Variants in BMERB1 observed in about 807,000 individuals in gnomAD.
The protein encoded by BMERB1 is bMERB domain-containing protein 1.
In BMERB1, 12 loss-of-function variants were observed where a neutral mutation model predicts 23.6. The ratio of observed to expected loss-of-function variants is 0.51; its 90% CI spans 0.33 to 0.82. The LOEUF is 0.82. BMERB1 is among the 40% of genes least tolerant of loss of function. The pLI, the probability that BMERB1 is intolerant of heterozygous loss-of-function variation, is 0.03. For missense variants in BMERB1, 247 were observed against 255.4 expected, an observed-to-expected ratio of 0.97 and a Z score of 0.22; for synonymous variants, 122 against 96.6, an observed-to-expected ratio of 1.26 and a Z score of -1.54.
intron 2 of BMERB1, among the ~76,000 whole-genome samples, chr16:15,538,020 G>A (rs1029359253): frequency 3.9e-5 from 6 of 152,150 alleles, no homozygotes; most frequent in Middle Eastern, 3.2e-3. Context: ...GACCCAAGAC[G>A]AAAACTGCTC....
intron 1 of BMERB1, among the ~76,000 whole-genome samples, chr16:15,485,668 G>A (rs2051362173): frequency 1.3e-5 from 2 of 151,918 alleles, no homozygotes; most frequent in African/African-American, 4.8e-5. Context: ...CTGTGTTACT[G>A]GAGGAAACTG....
chr16:15,451,335 T>G (rs1344181420), intron 1 of BMERB1, among the ~76,000 whole-genome samples: 3 of 151,654 alleles, frequency 2.0e-5, no homozygotes, highest in Non-Finnish European at 4.4e-5. Context: ...GGACCACAGG[T>G]GCATGCCACT....
intron 1 of BMERB1, among the ~76,000 whole-genome samples, chr16:15,484,511 C>G (rs1419502262): frequency 6.6e-6 from 1 of 152,078 alleles, no homozygotes; most frequent in Non-Finnish European, 1.5e-5. Flanking sequence ...AAGCGATTCT[C>G]CTGCCTTAGC....
chr16:15,522,142 C>T (rs183744404), intron 2 of BMERB1, among the ~76,000 whole-genome samples: 17 of 152,274 alleles, frequency 1.1e-4, no homozygotes, highest in Admixed American at 9.8e-4. Context: ...CTTTTACACC[C>T]GCTTGCTGGA....
intron 1 of BMERB1, among the ~76,000 whole-genome samples, chr16:15,463,651 G>A (rs937665209): frequency 4.6e-5 from 7 of 152,024 alleles, no homozygotes; most frequent in African/African-American, 1.2e-4. Context: ...ACAATGAATC[G>A]TAGTAACTTC....
At chr16:15,479,043 C>G (rs531015568) in intron 1 of BMERB1, among the ~76,000 whole-genome samples, 1 of 152,168 alleles carries the variant, frequency 6.6e-6, no homozygotes, top group East Asian at 1.9e-4. Context: ...CTGAGAAACT[C>G]TGATTTTTCA....
intron 2 of BMERB1, among the ~76,000 whole-genome samples, chr16:15,559,412 G>C (rs1467670190): frequency 6.6e-6 from 1 of 152,182 alleles, no homozygotes; most frequent in Admixed American, 6.6e-5. Flanking sequence ...ATGGAGAGGA[G>C]ACAACACGGT....
At chr16:15,572,170 G>A (rs1241381770) in intron 3 of BMERB1, among the ~76,000 whole-genome samples, 3 of 152,214 alleles carry the variant, frequency 2.0e-5, no homozygotes, top group African/African-American at 4.8e-5. Context: ...GGTGAACTTC[G>A]TGAAAGTTCG....
At chr16:15,501,040 C>T (rs961424318) in intron 1 of BMERB1, among the ~76,000 whole-genome samples, 52 of 152,254 alleles carry the variant, frequency 3.4e-4, no homozygotes, top group African/African-American at 1.2e-3. Context: ...ACATCTCATT[C>T]GTATCTTTAA....
chr16:15,468,090 CT>C (rs959967359), intron 1 of BMERB1, among the ~76,000 whole-genome samples: 6 of 117,190 alleles, frequency 5.1e-5, no homozygotes, highest in African/African-American at 9.6e-5. Flanking sequence ...TATTTCTTTT[CT>C]TTTTTTTTAC....
Position 15,457,983 on chromosome 16 carries a change from C to T in BMERB1, c.106+23224C>T, listed in dbSNP as rs192168485. 1.1e-3 allele frequency among the ~76,000 whole-genome samples: 166 copies of T among 152,236 alleles called. 3 individuals are homozygous for T. The South Asian group carries it at 0.034, about 31-fold the overall frequency. The stretch of plus-strand genomic sequence containing the variant: ...TGCCTTAATTAACCATCAGGTCTCT[C>T]GAGAATTCACTCACTATCACGAGAA... On this transcript the variant is annotated intron_variant, in intron 1 of 5. Coordinates refer to ENST00000300006, the MANE Select transcript of BMERB1 (RefSeq NM_033201.3).
chr16:15,522,837 C>T (rs972243431), intron 2 of BMERB1, among the ~76,000 whole-genome samples: 1 of 152,150 alleles, frequency 6.6e-6, no homozygotes, highest in Admixed American at 6.6e-5. Flanking sequence ...ATGTTTACAA[C>T]TCCTGAAGCT....
chr16:15,454,225 T>G (rs2051065406), intron 1 of BMERB1, among the ~76,000 whole-genome samples: 1 of 152,342 alleles, frequency 6.6e-6, no homozygotes, highest in South Asian at 2.1e-4. Context: ...TAGATGTAGC[T>G]TGTATAATCT....
intron 2 of BMERB1, among the ~76,000 whole-genome samples, chr16:15,538,525 T>C (rs972311397): frequency 6.6e-6 from 1 of 152,132 alleles, no homozygotes; most frequent in Admixed American, 6.5e-5. Context: ...GACTGTTTGC[T>C]ACTGTTCCAT....
chr16:15,475,473 G>A (rs1290729369), intron 1 of BMERB1, among the ~76,000 whole-genome samples: 1 of 152,234 alleles, frequency 6.6e-6, no homozygotes, highest in Non-Finnish European at 1.5e-5. Context: ...CAGGGAAAGA[G>A]TTCAGATTAA....
chr16:15,541,655 G>T (rs2150963048), intron 2 of BMERB1, among the ~76,000 whole-genome samples: 1 of 144,388 alleles, frequency 6.9e-6, no homozygotes, highest in South Asian at 2.2e-4. Flanking sequence ...AGGCTGGAGT[G>T]CAGTGGCGCG....
chr16:15,552,710 C>T (rs551633042), intron 2 of BMERB1, among the ~76,000 whole-genome samples: 1 of 152,358 alleles, frequency 6.6e-6, no homozygotes, highest in East Asian at 1.9e-4. Context: ...GCCTTGGTAG[C>T]TGGCCTATGT....
chr16:15,434,709 G>A lies in BMERB1; in HGVS notation c.56G>A (p.Arg19His). 1.2e-6 allele frequency: 2 copies of A among 1,611,096 alleles called. No individual in the cohort carries two copies. The highest frequency in any genetic ancestry group is 1.7e-6 in the Non-Finnish European group (2 of 1,178,372). The change falls in exon 1 of 6, where the codon CGC becomes CAC. Residue 19 changes from arginine to histidine, a missense_variant. Coordinates refer to ENST00000300006, the MANE Select transcript of BMERB1 (RefSeq NM_033201.3). ...THLEAEKPLR[R>H]YGAVEETAWK... Reference sequence around the variant, plus strand: ...CTGGAAGCCGAGAAGCCTCTGAGGCGCTATGGGGCGGTGGAGGAGACGGCT... The same window carrying A: ...CTGGAAGCCGAGAAGCCTCTGAGGCACTATGGGGCGGTGGAGGAGACGGCT...
Position 15,535,942 on chromosome 16 carries a change from C to T in BMERB1, c.230+20514C>T, listed in dbSNP as rs564989022. Among the ~76,000 whole-genome samples, 5 of 152,176 alleles carry T rather than the reference C, an allele frequency of 3.3e-5. No individual in the cohort carries two copies. In the East Asian group the frequency reaches 9.7e-4, roughly 30 times the overall value. On this transcript the variant is annotated intron_variant, in intron 2 of 5. Coordinates refer to ENST00000300006, the MANE Select transcript of BMERB1 (RefSeq NM_033201.3). Reference sequence around the variant, plus strand: ...CCAGACACTTATAAAGCCCTCAGATCTCATGAGAACTCACCCTTTATCACG... The same window carrying T: ...CCAGACACTTATAAAGCCCTCAGATTTCATGAGAACTCACCCTTTATCACG...
Sources: gnomAD v4.1 joint callset for allele counts (sites outside exome capture counted in the v4.1 genomes callset) on GRCh38, gnomAD v4.1.1 for gene constraint, MANE v1.5 for transcripts, NCBI Gene and HGNC (gene_info 2026-07-23, HGNC 2026-07-21) for gene names.